HDAC9: variants seen among roughly 807,000 people sequenced by gnomAD.
HDAC9 encodes the protein MEF-2 interacting transcription repressor (MITR) protein.
Under a neutral mutation model 139.4 loss-of-function variants are expected in HDAC9, and 41 were observed. The observed-to-expected ratio is 0.29, with a 90% CI of 0.23 to 0.38. The LOEUF (loss-of-function observed/expected upper bound fraction) is 0.38, where lower values mean the gene tolerates loss of function less well. Ranked by LOEUF, HDAC9 falls within the 10% of genes least tolerant of loss-of-function variation. The probability of loss-of-function intolerance (pLI) is 1.00; values close to 1 mark genes in which losing one functional copy is unlikely to be tolerated. For synonymous variants in HDAC9, 517 were observed against 476.2 expected, an observed-to-expected ratio of 1.09 and a Z score of -1.12; for missense variants, 1,147 against 1,297.0, an observed-to-expected ratio of 0.88 and a Z score of 1.78.
chr7:18,219,019 A>G (rs994859610), intron 2 of HDAC9, among the ~76,000 whole-genome samples: 1 of 152,188 alleles, frequency 6.6e-6, no homozygotes, highest in East Asian at 1.9e-4. Flanking sequence ...TTATACTAGT[A>G]TTGCCATAAC....
At chr7:18,893,216 G>A (rs1484313059) in intron 22 of HDAC9, among the ~76,000 whole-genome samples, 1 of 152,038 alleles carries the variant, frequency 6.6e-6, no homozygotes, top group Non-Finnish European at 1.5e-5. Context: ...TAAACCGTAA[G>A]CTACAGGGAG....
chr7:18,592,855 A>G (rs1046555155), intron 5 of HDAC9, among the ~76,000 whole-genome samples: 1 of 152,208 alleles, frequency 6.6e-6, no homozygotes, highest in Non-Finnish European at 1.5e-5. Context: ...CACATAATTT[A>G]TAGCTAATTC....
At chr7:18,922,409 A>C (rs1433000310) in intron 22 of HDAC9, among the ~76,000 whole-genome samples, 2 of 152,114 alleles carry the variant, frequency 1.3e-5, no homozygotes, top group Non-Finnish European at 2.9e-5. Flanking sequence ...GATCAACTCA[A>C]ATAACACAGC....
In HDAC9 at chr7:18,522,416, G is replaced by C. The variant is rs111775447; in HGVS notation, c.22+26092G>C. 7.8e-3 allele frequency among the ~76,000 whole-genome samples: 1,194 copies of C among 152,240 alleles called. 16 individuals carry two copies. Among genetic ancestry groups the C allele is most frequent in the African/African-American group, 0.027 (1,131 of 41,536 alleles). On this transcript the variant is annotated intron_variant, in intron 2 of 25. Coordinates refer to ENST00000686413, the MANE Select transcript of HDAC9 (RefSeq NM_178425.4). The stretch of plus-strand genomic sequence containing the variant: ...CCAGGGCCTCCCAACAATATGCTAA[G>C]AGTGCACCCCTAGCTGTCTGGCCAC...
At chr7:18,369,677 G>T (rs1437263968) in intron 1 of HDAC9, among the ~76,000 whole-genome samples, 3 of 152,040 alleles carry the variant, frequency 2.0e-5, no homozygotes, top group Non-Finnish European at 4.4e-5. Context: ...ATTAGGTCAA[G>T]ATATCTACTA....
chr7:18,132,168 C>T (rs899008959), intron 1 of HDAC9, among the ~76,000 whole-genome samples: 1 of 152,074 alleles, frequency 6.6e-6, no homozygotes, highest in African/African-American at 2.4e-5. Flanking sequence ...TTTTTCTTCC[C>T]TTCATTGTGC....
At chr7:18,124,528 A>G (rs185855853) in intron 1 of HDAC9, among the ~76,000 whole-genome samples, 87 of 152,252 alleles carry the variant, frequency 5.7e-4, no homozygotes, top group African/African-American at 2.1e-3. Context: ...TTCTTCCCAG[A>G]TATCTTATGT....
At chr7:18,115,682 C>T (rs1399653913) in intron 1 of HDAC9, among the ~76,000 whole-genome samples, 1 of 152,182 alleles carries the variant, frequency 6.6e-6, no homozygotes, top group African/African-American at 2.4e-5. Flanking sequence ...ACTGTGAAAC[C>T]AGGCAGTTTG....
chr7:18,783,129 A>G (rs1042955609), intron 16 of HDAC9, among the ~76,000 whole-genome samples: 1 of 152,112 alleles, frequency 6.6e-6, no homozygotes, highest in Non-Finnish European at 1.5e-5. Flanking sequence ...ATTTTGGTGT[A>G]TGACTCAAAC....
At chr7:18,439,472 A>G (rs1406490476) in intron 1 of HDAC9, among the ~76,000 whole-genome samples, 2 of 152,166 alleles carry the variant, frequency 1.3e-5, no homozygotes, top group Non-Finnish European at 2.9e-5. Flanking sequence ...ACTTTTGCCC[A>G]TCTCACGTCT....
At chr7:18,781,455 T>C (rs1448488943) in intron 16 of HDAC9, among the ~76,000 whole-genome samples, 1 of 152,024 alleles carries the variant, frequency 6.6e-6, no homozygotes, top group East Asian at 1.9e-4. Flanking sequence ...ATTAAATAGG[T>C]AGTGTTTGTA....
At position 18,303,375 on chromosome 7, in the gene HDAC9, TTGTGTGTGTGTGTGTGTGTGTG is replaced by T. The variant is rs71014320; in HGVS notation, c.-42+12888_-42+12909del. 5.0e-3 allele frequency among the ~76,000 whole-genome samples: 644 copies of T among 127,788 alleles called. 1 individual carries two copies. Among genetic ancestry groups the T allele is most frequent in the Non-Finnish European group, 7.5e-3 (462 of 61,438 alleles). The allele number at this position is 127,788 out of a possible 152,430, so 83.8% of individuals were successfully genotyped here. On this transcript the variant is annotated intron_variant, in intron 1 of 3. Coordinates refer to the HDAC9 transcript ENST00000413509. The stretch of plus-strand genomic sequence containing the variant: ...GCACCCACCGCCACGCCCAGCCAAT[TTGTGTGTGTGTGTGTGTGTGTG>T]TGTGTGTGTGTGTGTGTGTGTGTGT...
At chr7:18,140,180 T>C (rs1349683662) in intron 1 of HDAC9, among the ~76,000 whole-genome samples, 1 of 152,134 alleles carries the variant, frequency 6.6e-6, no homozygotes, top group Non-Finnish European at 1.5e-5. Flanking sequence ...AAATGAAATC[T>C]GCAAACATCC....
intron 1 of HDAC9, among the ~76,000 whole-genome samples, chr7:18,452,283 A>G (rs1246329197): frequency 6.6e-6 from 1 of 152,166 alleles, no homozygotes; most frequent in Non-Finnish European, 1.5e-5. Context: ...CCCAAGGATA[A>G]CATAGAAGTG....
At chr7:18,969,690 C>T (rs1376863527) in intron 24 of HDAC9, among the ~76,000 whole-genome samples, 1 of 151,734 alleles carries the variant, frequency 6.6e-6, no homozygotes, top group African/African-American at 2.4e-5. Context: ...AAAAAAAATA[C>T]AGCATTTGAT....
intron 1 of HDAC9, among the ~76,000 whole-genome samples, chr7:18,350,549 A>G (rs1434497189): frequency 6.6e-6 from 1 of 152,176 alleles, no homozygotes; most frequent in South Asian, 2.1e-4. Flanking sequence ...GAAAATAGTA[A>G]TACTTTACTG....
chr7:18,941,933 A>G (rs1396959428), intron 23 of HDAC9, among the ~76,000 whole-genome samples: 1 of 152,096 alleles, frequency 6.6e-6, no homozygotes, highest in Non-Finnish European at 1.5e-5. Context: ...GGATAATTCA[A>G]AACTCCATTA....
chr7:18,471,341 C>T (rs1586137715), intron 1 of HDAC9, among the ~76,000 whole-genome samples: 1 of 152,128 alleles, frequency 6.6e-6, no homozygotes, highest in East Asian at 1.9e-4. Context: ...TAATCAAGTC[C>T]TAGCCATAGC....
intron 1 of HDAC9, among the ~76,000 whole-genome samples, chr7:18,382,691 G>T (rs1785544870): frequency 6.6e-6 from 1 of 152,116 alleles, no homozygotes; most frequent in African/African-American, 2.4e-5. Flanking sequence ...TGTGTTTGCA[G>T]AAAAATTATT....
Sources: gnomAD v4.1 joint callset for allele counts (sites outside exome capture counted in the v4.1 genomes callset) on GRCh38, gnomAD v4.1.1 for gene constraint, MANE v1.5 for transcripts, NCBI Gene and HGNC (gene_info 2026-07-23, HGNC 2026-07-21) for gene names.